ARHGEF3: variants seen among roughly 807,000 people sequenced by gnomAD.
ARHGEF3 encodes the protein 59.8 kDA protein.
In ARHGEF3, 28 loss-of-function variants were observed where a neutral mutation model predicts 63.2. That is an observed-to-expected ratio of 0.44 (90% CI 0.33 to 0.61). ARHGEF3 has a LOEUF of 0.61. ARHGEF3 is among the 20% of genes least tolerant of loss of function. ARHGEF3 has a pLI of 0.03. For missense variants in ARHGEF3, 533 were observed against 659.3 expected, an observed-to-expected ratio of 0.81 and a Z score of 2.10; for synonymous variants, 266 against 254.2, an observed-to-expected ratio of 1.05 and a Z score of -0.44.
At position 56,924,187 on chromosome 3, in the gene ARHGEF3, C is replaced by T. The variant is rs564154199; in HGVS notation, c.129+34636G>A. 1.1e-3 allele frequency among the ~76,000 whole-genome samples: 165 copies of T among 152,350 alleles called. 1 individual carries two copies. Among genetic ancestry groups the T allele is most frequent in the African/African-American group, 3.5e-3 (146 of 41,584 alleles). On this transcript the variant is annotated intron_variant, in intron 3 of 12. Coordinates refer to the ARHGEF3 transcript ENST00000338458. ...AACAGGGGAGAAACATGCTACCCCA[C>T]ACCTGCACAAACTAAATGATGTGTA...
chr3:56,748,062 G>T (rs777347920), intron 6 of ARHGEF3, among the ~76,000 whole-genome samples: 1 of 152,178 alleles, frequency 6.6e-6, no homozygotes, highest in Non-Finnish European at 1.5e-5. Context: ...TCGAGATAGG[G>T]TCTCCCTTTG....
At chr3:56,808,607 A>T (rs1225648027) in intron 4 of ARHGEF3, among the ~76,000 whole-genome samples, 1 of 151,478 alleles carries the variant, frequency 6.6e-6, no homozygotes, top group Non-Finnish European at 1.5e-5. Flanking sequence ...TTAATTAATT[A>T]AAATAAAAAT....
At chr3:56,809,161 T>G (rs2037974655) in intron 4 of ARHGEF3, among the ~76,000 whole-genome samples, 1 of 152,154 alleles carries the variant, frequency 6.6e-6, no homozygotes. Flanking sequence ...AACCTGACCG[T>G]TGGCTGAATA....
intron 2 of ARHGEF3, among the ~76,000 whole-genome samples, chr3:56,967,915 A>T (rs1237132248): frequency 2.8e-4 from 20 of 72,312 alleles, no homozygotes; most frequent in Non-Finnish European, 3.8e-4. Flanking sequence ...TATTATATAT[A>T]ATATATTATA....
intron 2 of ARHGEF3, among the ~76,000 whole-genome samples, chr3:57,034,702 G>A (rs966934571): frequency 2.1e-5 from 3 of 139,998 alleles, no homozygotes; most frequent in African/African-American, 8.5e-5. Flanking sequence ...TGTCACCCAG[G>A]CTAGAGTATA....
chr3:56,902,785 C>T (rs527891715), intron 3 of ARHGEF3, among the ~76,000 whole-genome samples: 2 of 152,290 alleles, frequency 1.3e-5, no homozygotes, highest in South Asian at 2.1e-4. Context: ...GAGACTTATA[C>T]TCTCACACTA....
At chr3:56,779,804 A>G (rs1031536434) in intron 1 of ARHGEF3, among the ~76,000 whole-genome samples, 1 of 152,260 alleles carries the variant, frequency 6.6e-6, no homozygotes, top group Admixed American at 6.5e-5. Flanking sequence ...TATCTATTTT[A>G]GTCTGGCTCT....
intron 3 of ARHGEF3, among the ~76,000 whole-genome samples, chr3:56,897,931 A>AGTGC (rs1480199405): frequency 4.6e-5 from 7 of 151,684 alleles, no homozygotes; most frequent in Non-Finnish European, 1.0e-4. Context: ...CTCATGCTGG[A>AGTGC]GTGCAGTGGT....
intron 6 of ARHGEF3, among the ~76,000 whole-genome samples, chr3:56,747,037 G>C (rs1036116811): frequency 2.0e-5 from 3 of 148,810 alleles, no homozygotes; most frequent in African/African-American, 7.5e-5. Context: ...ATGATAATTG[G>C]TACTTATACA....
At chr3:56,740,841 C>A (rs775217030) in intron 7 of ARHGEF3, among the ~76,000 whole-genome samples, 18 of 152,194 alleles carry the variant, frequency 1.2e-4, no homozygotes, top group Admixed American at 5.9e-4. Context: ...GAGTTGCCTG[C>A]AAATATCCAG....
rs748242561 is a variant in ARHGEF3, at chr3:56,784,120, G to A, written c.97-10304C>T. 1.6e-4 allele frequency among the ~76,000 whole-genome samples: 25 copies of A among 152,256 alleles called. 1 individual carries two copies. Among genetic ancestry groups the A allele is most frequent in the Middle Eastern group, 3.4e-3 (1 of 294 alleles). ...AAGCCAAATATTTAGCTCTCTCTGCGGTCCCTGGCTCCACATCTGCCTTCT... is the reference window on the plus strand; with the variant it reads ...AAGCCAAATATTTAGCTCTCTCTGCAGTCCCTGGCTCCACATCTGCCTTCT... On this transcript the variant is annotated intron_variant, in intron 1 of 9. Coordinates refer to ENST00000296315, the MANE Select transcript of ARHGEF3 (RefSeq NM_019555.3).
At chr3:57,042,684 ATATATATATATATATATTTT>A (rs1432423261) in intron 1 of ARHGEF3, among the ~76,000 whole-genome samples, 404 of 9,858 alleles carry the variant, frequency 0.041, 41 homozygotes, top group Non-Finnish European at 0.052. Context: ...ATATATATAT[ATATATATATATATATATTTT>A]TTTTTTTTTT....
chr3:56,862,150 G>A (rs920217550), intron 4 of ARHGEF3, among the ~76,000 whole-genome samples: 34 of 150,684 alleles, frequency 2.3e-4, no homozygotes, highest in Admixed American at 7.9e-4. Flanking sequence ...GAATGGTATG[G>A]AGGTAAAGGC....
At chr3:57,004,737 G>A (rs1244613048) in intron 2 of ARHGEF3, among the ~76,000 whole-genome samples, 2 of 152,160 alleles carry the variant, frequency 1.3e-5, no homozygotes, top group African/African-American at 2.4e-5. Flanking sequence ...AGGCTGAGGC[G>A]GGAGGATTGC....
rs148827765 is a variant in ARHGEF3, at chr3:57,052,004, C to T, written c.-27-16828G>A. Among the ~76,000 whole-genome samples, 11 of 152,182 alleles carry T rather than the reference C, an allele frequency of 7.2e-5. No individual in the cohort carries two copies. In the East Asian group the frequency reaches 2.1e-3, roughly 29 times the overall value. On this transcript the variant is annotated intron_variant, in intron 1 of 12. Coordinates refer to the ARHGEF3 transcript ENST00000338458. ...CCTTCATCATTGCCACTACCACCAC[C>T]ATCTACTGAGTATCAACTGTATGCT...
At chr3:56,875,646 T>G (rs566484970) in intron 4 of ARHGEF3, among the ~76,000 whole-genome samples, 1 of 152,364 alleles carries the variant, frequency 6.6e-6, no homozygotes, top group South Asian at 2.1e-4. Flanking sequence ...GCCTTAAATT[T>G]TAAAAATTCT....
intron 3 of ARHGEF3, among the ~76,000 whole-genome samples, chr3:56,957,008 G>A (rs138320374): frequency 2.6e-4 from 40 of 152,296 alleles, no homozygotes; most frequent in Middle Eastern, 6.8e-3. Flanking sequence ...AAGCCCTGCA[G>A]TAGCGAGCAT....
chr3:56,941,404 T>G (rs2108423331), intron 3 of ARHGEF3, among the ~76,000 whole-genome samples: 1 of 152,302 alleles, frequency 6.6e-6, no homozygotes, highest in East Asian at 1.9e-4. Context: ...GACAGGGTTT[T>G]GCCATGTTGG....
intron 3 of ARHGEF3, among the ~76,000 whole-genome samples, chr3:56,951,143 G>A (rs1325206128): frequency 6.6e-6 from 1 of 151,806 alleles, no homozygotes; most frequent in Non-Finnish European, 1.5e-5. Context: ...GTGGGGGGAG[G>A]GGGGATGGAT....
Sources: gnomAD v4.1 joint callset for allele counts (sites outside exome capture counted in the v4.1 genomes callset) on GRCh38, gnomAD v4.1.1 for gene constraint, MANE v1.5 for transcripts, NCBI Gene and HGNC (gene_info 2026-07-23, HGNC 2026-07-21) for gene names.